The following KCNMA1 variants were observed in gnomAD, a reference collection of about 807,000 sequenced individuals.
KCNMA1 encodes the protein Calcium-activated potassium channel subunit alpha-1.
A neutral mutation model predicts 140.0 loss-of-function variants in KCNMA1; 29 were observed. The observed-to-expected ratio is 0.21, with a 90% CI of 0.15 to 0.28. The LOEUF (loss-of-function observed/expected upper bound fraction) is 0.28. Among genes scored for constraint, KCNMA1 ranks in the 10% least tolerant of loss-of-function variants. The pLI is 1.00. For missense variants in KCNMA1, 880 were observed against 1,602.2 expected (o/e 0.55, Z 7.70); for synonymous variants, 612 against 611.9 (o/e 1.00, Z 0.00).
intron 2 of KCNMA1, among the ~76,000 whole-genome samples, chr10:77,400,068 G>C (rs749543443): frequency 3.3e-5 from 5 of 152,226 alleles, no homozygotes; most frequent in Non-Finnish European, 7.3e-5. Flanking sequence ...ATAGCCAGCT[G>C]TCTGGTCTTG....
Position 76,886,718 on chromosome 10 carries a change from A to G in KCNMA1, c.*548T>C. 1.0e-6 allele frequency: 1 copy of G among 1,003,268 alleles called. No homozygotes were observed. Among genetic ancestry groups the G allele is most frequent in the Non-Finnish European group, 1.2e-6 (1 of 839,934 alleles). 62.1% of individuals were successfully genotyped at this position (1,003,268 alleles called of 1,614,324 possible). Reference sequence around the variant, plus strand: ...TACACAAATCGTGAAAGCTTTTCAAATGCTTCGCAATACTTCGGCCCAGAG... The same window carrying G: ...TACACAAATCGTGAAAGCTTTTCAAGTGCTTCGCAATACTTCGGCCCAGAG... On this transcript the variant is annotated 3_prime_UTR_variant, in exon 28 of 28. Transcript: ENST00000286628.
chr10:77,117,539 C>CAAAAAAAAAAAAAAAAAAAAA (rs56926398), intron 6 of KCNMA1, among the ~76,000 whole-genome samples: 4 of 22,514 alleles, frequency 1.8e-4, no homozygotes, highest in Admixed American at 6.4e-4. Flanking sequence ...GAGTCTATCT[C>CAAAAAAAAAAAAAAAAAAAAA]AAAAAAAAAA....
At position 77,049,726 on chromosome 10, in the gene KCNMA1, T is replaced by G. The variant is rs186047153; in HGVS notation, c.1750-10089A>C. Among the ~76,000 whole-genome samples the G allele has an allele frequency of 1.4e-4, 22 of 152,268 alleles. No individual in the cohort carries two copies. The East Asian group carries it at 4.1e-3, about 28-fold the overall frequency. The stretch of plus-strand genomic sequence containing the variant: ...GTAAGCATGAATAACTTCAATAACT[T>G]CATAGCGTTTAGTGTTGGGGCATGA... On this transcript the variant is annotated intron_variant, in intron 14 of 27. Coordinates refer to ENST00000286628, the MANE Select transcript of KCNMA1 (RefSeq NM_001161352.2).
intron 9 of KCNMA1, chr10:77,091,433 C>T (rs1347259646): frequency 6.6e-6 from 1 of 152,242 alleles, no homozygotes; most frequent in African/African-American, 2.4e-5. Context: ...TGGCACCAGG[C>T]AATGTCATGG....
chr10:77,605,909 A>C (rs532452413), intron 1 of KCNMA1, among the ~76,000 whole-genome samples: 1 of 152,332 alleles, frequency 6.6e-6, no homozygotes, highest in East Asian at 1.9e-4. Context: ...CAACTTCCCC[A>C]AGGTCATGCA....
At chr10:77,177,490 C>CTTTCTTTTCT (rs3068682) in intron 5 of KCNMA1, among the ~76,000 whole-genome samples, 80 of 146,668 alleles carry the variant, frequency 5.5e-4, no homozygotes, top group African/African-American at 1.6e-3. Flanking sequence ...TTCTGACTTT[C>CTTTCTTTTCT]TTTCTTTTCT....
chr10:77,000,857 AATATATATATATATATAT>A lies in KCNMA1; in HGVS notation c.2266+532_2266+549del, dbSNP rs56359933. Among the ~76,000 whole-genome samples the A allele has an allele frequency of 3.5e-3, 129 of 36,658 alleles. 13 individuals are homozygous for A. The highest frequency in any genetic ancestry group is 0.01 in the South Asian group (9 of 884). 24.0% of individuals were successfully genotyped at this position (36,658 alleles called of 152,430 possible). On this transcript the variant is annotated intron_variant, in intron 19 of 27. Coordinates refer to ENST00000286628, the MANE Select transcript of KCNMA1 (RefSeq NM_001161352.2). ...GGTTAGAGAGACATAGTAAAAAGAA[AATATATATATATATATAT>A]ATATATATATATATATATATATATA...
chr10:77,146,318 G>A (rs1366125816), intron 5 of KCNMA1, among the ~76,000 whole-genome samples: 1 of 152,156 alleles, frequency 6.6e-6, no homozygotes, highest in East Asian at 1.9e-4. Context: ...TCAAATGGAT[G>A]TAAGTTTTGA....
At chr10:77,548,558 T>C (rs1296267509) in intron 1 of KCNMA1, among the ~76,000 whole-genome samples, 3 of 152,222 alleles carry the variant, frequency 2.0e-5, no homozygotes, top group Non-Finnish European at 4.4e-5. Context: ...TCCATGAAGC[T>C]GACCTGGTGG....
At chr10:77,366,150 CTT>C (rs397940627) in intron 2 of KCNMA1, among the ~76,000 whole-genome samples, 16 of 111,906 alleles carry the variant, frequency 1.4e-4, no homozygotes, top group South Asian at 2.8e-4. Context: ...CTCTCTTTCT[CTT>C]TCTTTCTTTC....
rs59376789 is a variant in KCNMA1 at position 77,436,997 on chromosome 10, C to CACACACACAA, written c.379-32975_379-32974insTTGTGTGTGT. Among the ~76,000 whole-genome samples the CACACACACAA allele has an allele frequency of 3.8e-3, 484 of 126,964 alleles. 5 individuals carry two copies. Among genetic ancestry groups the CACACACACAA allele is most frequent in the African/African-American group, 9.5e-3 (341 of 35,794 alleles). The allele number at this position is 126,964 out of a possible 152,430, so 83.3% of individuals were successfully genotyped here. On this transcript the variant is annotated intron_variant, in intron 1 of 27. Coordinates refer to ENST00000286628, the MANE Select transcript of KCNMA1 (RefSeq NM_001161352.2). ...ACACACACACACACACACACACACACTCCTTCAGCCAAAATGTTCCACTTT... is the reference window on the plus strand; with the variant it reads ...ACACACACACACACACACACACACACACACACACAATCCTTCAGCCAAAATGTTCCACTTT...
At chr10:77,517,564 G>T (rs1299452808) in intron 1 of KCNMA1, among the ~76,000 whole-genome samples, 1 of 152,156 alleles carries the variant, frequency 6.6e-6, no homozygotes, top group Admixed American at 6.6e-5. Flanking sequence ...GCTGAGTTGG[G>T]GCTCATGGGG....
intron 10 of KCNMA1, among the ~76,000 whole-genome samples, chr10:77,089,683 C>T (rs1384066659): frequency 6.6e-6 from 1 of 152,180 alleles, no homozygotes; most frequent in Non-Finnish European, 1.5e-5. Context: ...CTGCTCTGCA[C>T]ACTTCATATG....
intron 1 of KCNMA1, among the ~76,000 whole-genome samples, chr10:77,437,327 A>C (rs2097286519): frequency 6.6e-6 from 1 of 152,188 alleles, no homozygotes; most frequent in South Asian, 2.1e-4. Flanking sequence ...GGGAGGCAGG[A>C]AGTTCGGTTA....
intron 1 of KCNMA1, among the ~76,000 whole-genome samples, chr10:77,545,281 A>G: frequency 6.6e-6 from 1 of 152,200 alleles, no homozygotes; most frequent in Non-Finnish European, 1.5e-5. Flanking sequence ...TATTATATGC[A>G]TTTTTCAATT....
At chr10:77,425,242 G>A (rs1239518167) in intron 1 of KCNMA1, among the ~76,000 whole-genome samples, 1 of 152,176 alleles carries the variant, frequency 6.6e-6, no homozygotes, top group Non-Finnish European at 1.5e-5. Flanking sequence ...ATTTAACATT[G>A]TAGTCACTCC....
At chr10:77,531,971 T>C (rs1348121587) in intron 1 of KCNMA1, among the ~76,000 whole-genome samples, 1 of 152,200 alleles carries the variant, frequency 6.6e-6, no homozygotes, top group Non-Finnish European at 1.5e-5. Flanking sequence ...TACAGAGCTA[T>C]GCCCTAAATT....
chr10:76,930,811 T>TA (rs2059085178), intron 23 of KCNMA1, among the ~76,000 whole-genome samples: 1 of 152,082 alleles, frequency 6.6e-6, no homozygotes, highest in African/African-American at 2.4e-5. Flanking sequence ...TATTCAGCCA[T>TA]AAAAAAGAAA....
chr10:77,163,726 T>C (rs1415064268), intron 5 of KCNMA1, among the ~76,000 whole-genome samples: 1 of 152,190 alleles, frequency 6.6e-6, no homozygotes, highest in Admixed American at 6.5e-5. Context: ...GTTATGCTAA[T>C]TACTAAAGAC....
Sources: gnomAD v4.1 joint callset for allele counts (sites outside exome capture counted in the v4.1 genomes callset) on GRCh38, gnomAD v4.1.1 for gene constraint, MANE v1.5 for transcripts, NCBI Gene and HGNC (gene_info 2026-07-23, HGNC 2026-07-21) for gene names.